LMF1: variants seen among roughly 807,000 people sequenced by gnomAD.
LMF1 encodes transmembrane protein 112.
Under a neutral mutation model 60.6 loss-of-function variants are expected in LMF1, and 68 were observed. The ratio of observed to expected loss-of-function variants is 1.12; its 90% CI spans 0.92 to 1.37. The LOEUF (loss-of-function observed/expected upper bound fraction) is 1.37, where lower values mean the gene tolerates loss of function less well. Ranked by LOEUF, LMF1 falls within the 40% of genes most tolerant of loss-of-function variation. The pLI is 0.00. For missense variants in LMF1, 948 were observed against 767.2 expected (o/e 1.24, Z -2.78); for synonymous variants, 418 against 324.7 (o/e 1.29, Z -3.09).
chr16:868,153 C>G, intron 10 of LMF1, among the ~76,000 whole-genome samples: 1 of 152,100 alleles, frequency 6.6e-6, no homozygotes, highest in East Asian at 1.9e-4. Flanking sequence ...AGAGTGGCCG[C>G]CCCAGGTCTG....
chr16:971,093 C>G, upstream of LMF1: 1 of 1,156,410 alleles, frequency 8.6e-7, no homozygotes, highest in Non-Finnish European at 1.1e-6. Flanking sequence ...GCCCCACCCA[C>G]ACCCCGGGAG....
At chr16:975,385 C>T (rs547335912), upstream of LMF1, among the ~76,000 whole-genome samples, 11 of 152,142 alleles carry the variant, frequency 7.2e-5, no homozygotes, top group Non-Finnish European at 1.2e-4. Flanking sequence ...TTGCCTGGCC[C>T]AGAGGTCACA....
In LMF1 at chr16:893,004, C is replaced by T. The variant is rs952955274; in HGVS notation, c.729+3G>A. 1.3e-6 allele frequency: 2 copies of T among 1,547,848 alleles called. No individual in the cohort carries two copies. Among genetic ancestry groups the T allele is most frequent in the Non-Finnish European group, 1.7e-6 (2 of 1,144,838 alleles). On this transcript the variant is annotated splice_donor_region_variant and intron_variant, in intron 5 of 10. Transcript: ENST00000262301. ...CTGCCCTCACGCTGCACGGCACGCT[C>T]ACCTCATAGTGGAAGTCCATGCAGG...
chr16:869,820 T>C, intron 9 of LMF1, 63 bp downstream of exon 9: 1 of 1,524,428 alleles, frequency 6.6e-7, no homozygotes, highest in Non-Finnish European at 8.9e-7. Flanking sequence ...AAACCTGCCA[T>C]CTATGGGCAG....
intron 4 of LMF1, chr16:904,123 G>A (rs1409960636): frequency 9.3e-6 from 1 of 107,128 alleles, no homozygotes; most frequent in Non-Finnish European, 1.6e-5. Flanking sequence ...TGCACTGCCT[G>A]TGGGGACGCC....
chr16:930,284 A>T (rs965405933), intron 3 of LMF1, among the ~76,000 whole-genome samples: 1 of 152,128 alleles, frequency 6.6e-6, no homozygotes, highest in African/African-American at 2.4e-5. Flanking sequence ...GGACCCTGGG[A>T]CACAGAGCCC....
intron 10 of LMF1, among the ~76,000 whole-genome samples, chr16:863,501 G>C (rs1324164697): frequency 1.3e-5 from 2 of 152,056 alleles, no homozygotes; most frequent in Non-Finnish European, 1.5e-5. Context: ...CTTACTAGAG[G>C]GTTGCTGATT....
chr16:909,663 G>A (rs972126971), intron 4 of LMF1, among the ~76,000 whole-genome samples: 2 of 152,226 alleles, frequency 1.3e-5, no homozygotes, highest in Admixed American at 6.5e-5. Flanking sequence ...TGGAGTCATC[G>A]CTTCCTGAGT....
intron 1 of LMF1, chr16:976,196 G>A (rs1402352890): frequency 2.2e-6 from 1 of 450,024 alleles, no homozygotes; most frequent in African/African-American, 2.0e-5. Flanking sequence ...GGCCACGGAT[G>A]GGCTGGGGGC....
intron 3 of LMF1, among the ~76,000 whole-genome samples, chr16:928,968 T>C (rs1173662211): frequency 2.6e-5 from 4 of 152,316 alleles, no homozygotes; most frequent in African/African-American, 9.6e-5. Flanking sequence ...CCTGGCAAAG[T>C]GGCCCAGGAG....
At chr16:883,279 C>G (rs981005296) in intron 5 of LMF1, among the ~76,000 whole-genome samples, 1 of 146,074 alleles carries the variant, frequency 6.8e-6, no homozygotes, top group Non-Finnish European at 1.5e-5. Context: ...AGCTGCTCAG[C>G]AGAAGAGCTG....
intron 1 of LMF1, among the ~76,000 whole-genome samples, chr16:957,782 C>T (rs1047271466): frequency 2.0e-5 from 3 of 152,174 alleles, no homozygotes; most frequent in Non-Finnish European, 4.4e-5. Flanking sequence ...CACAGCCCCC[C>T]TGCCCCCGAC....
At chr16:859,868 G>T (rs538402101) in intron 10 of LMF1, among the ~76,000 whole-genome samples, 1 of 141,408 alleles carries the variant, frequency 7.1e-6, no homozygotes, top group South Asian at 2.2e-4. Context: ...GTGCAGTGGT[G>T]TCTCGGGATG....
At chr16:976,953 G>C (rs2073165169) in intron 1 of LMF1, 1 of 453,766 alleles carries the variant, frequency 2.2e-6, no homozygotes. Context: ...GCGAGGTGAA[G>C]ATGGGGAGGG....
chr16:939,541 G>A (rs1382959136), intron 2 of LMF1, among the ~76,000 whole-genome samples: 3 of 152,224 alleles, frequency 2.0e-5, no homozygotes, highest in Non-Finnish European at 4.4e-5. Context: ...ACGGGCGCGT[G>A]GCATCTGGGG....
At chr16:957,960 T>C (rs2072742678) in intron 1 of LMF1, among the ~76,000 whole-genome samples, 1 of 152,116 alleles carries the variant, frequency 6.6e-6, no homozygotes, top group South Asian at 2.1e-4. Context: ...CTGGGCAACA[T>C]AGTGAGACTC....
At chr16:917,793 G>A (rs764308413) in intron 3 of LMF1, among the ~76,000 whole-genome samples, 7 of 152,226 alleles carry the variant, frequency 4.6e-5, no homozygotes, top group Admixed American at 3.3e-4. Context: ...CCTCCTGACC[G>A]TGGGCTCCTT....
rs1246746774 is a variant in LMF1, at chr16:878,764, G to GGGCGGGCAGC, written c.897+805_897+806insGCTGCCCGCC. On this transcript the variant is annotated intron_variant, in intron 6 of 10. Transcript: ENST00000262301. This position sits in a 1 kb window ranked among gnomAD's most constrained non-coding sequence, Gnocchi z 5.2. The stretch of plus-strand genomic sequence containing the variant: ...GAAGGGCGGGGGCAGGGGCGGGCAG[G>GGGCGGGCAGC]GCAGGGGAAGGGGCGTGGGACACCC... Among the ~76,000 whole-genome samples, 1 of 151,832 alleles carries GGGCGGGCAGC rather than the reference G, an allele frequency of 6.6e-6. No individual in the cohort carries two copies. The highest frequency in any genetic ancestry group is 1.5e-5 in the Non-Finnish European group (1 of 67,906).
chr16:884,711 T>A (rs2070256648), intron 5 of LMF1, among the ~76,000 whole-genome samples: 1 of 150,488 alleles, frequency 6.6e-6, no homozygotes, highest in Non-Finnish European at 1.5e-5. Context: ...AATGGTGATG[T>A]TAGGTGGAGG....
Sources: gnomAD v4.1 joint callset for allele counts (sites outside exome capture counted in the v4.1 genomes callset) on GRCh38, gnomAD v4.1.1 for gene constraint, Gnocchi (gnomAD v3.1) non-coding constraint, MANE v1.5 for transcripts, NCBI Gene and HGNC (gene_info 2026-07-23, HGNC 2026-07-21) for gene names.